Variants in ZNF37A observed in about 807,000 individuals in gnomAD.
ZNF37A encodes zinc finger protein 37A.
Under a neutral mutation model 12.3 loss-of-function variants are expected in ZNF37A, and 10 were observed. That is an observed-to-expected ratio of 0.82 (90% CI 0.50 to 1.38). The LOEUF is 1.38. Ranked by LOEUF, ZNF37A falls within the 40% of genes most tolerant of loss-of-function variation. ZNF37A has a pLI of 0.00. For synonymous variants in ZNF37A, 207 were observed against 223.0 expected, an observed-to-expected ratio of 0.93 and a Z score of 0.64; for missense variants, 580 against 651.2, an observed-to-expected ratio of 0.89 and a Z score of 1.19.
rs2069837234 is a variant in ZNF37A, at chr10:38,123,571, C to G, written c.*4734C>G. On this transcript the variant is annotated 3_prime_UTR_variant, in exon 8 of 8. Coordinates refer to ENST00000685332, the MANE Select transcript of ZNF37A (RefSeq NM_001324250.3). ...TCTCAAAGTGAGATTTGGGCAGGGA[C>G]TAATATCCAAACTGTATCAACATCT... The G allele has an allele frequency of 6.6e-6, 1 of 151,786 alleles. No individual in the cohort carries two copies. The highest frequency in any genetic ancestry group is 1.5e-5 in the Non-Finnish European group (1 of 67,966). 9.4% of individuals were successfully genotyped at this position (151,786 alleles called of 1,614,324 possible).
chr10:38,141,175 G>T (rs1280031420), intron 7 of ZNF37A: 1 of 152,158 alleles, frequency 6.6e-6, no homozygotes, highest in African/African-American at 2.4e-5. Flanking sequence ...CAAATATATT[G>T]TTATTTCTGC....
At chr10:38,112,761 T>TC (rs2068864235) in intron 5 of ZNF37A, among the ~76,000 whole-genome samples, 2 of 55,628 alleles carry the variant, frequency 3.6e-5, no homozygotes, top group Admixed American at 2.3e-4. Context: ...TTTTCTTTTC[T>TC]TTTCTTTTCT....
At chr10:38,115,326 G>C in intron 7 of ZNF37A, 36 bp downstream of exon 7, 1 of 1,601,974 alleles carries the variant, frequency 6.2e-7, no homozygotes, top group Non-Finnish European at 8.5e-7. Flanking sequence ...TTTAAAGGAA[G>C]GTAGATCACA....
downstream of ZNF37A, among the ~76,000 whole-genome samples, chr10:38,129,304 T>TCAAAAAAAAAAAAAAAAAAA (rs1472360432): frequency 1.8e-5 from 1 of 56,900 alleles, no homozygotes; most frequent in Non-Finnish European, 3.7e-5. Flanking sequence ...AGACTCTGTC[T>TCAAAAAAAAAAAAAAAAAAA]AAAAAAAAAA....
intron 7 of ZNF37A, among the ~76,000 whole-genome samples, chr10:38,146,319 C>G (rs1391156345): frequency 2.0e-5 from 3 of 152,032 alleles, no homozygotes; most frequent in Non-Finnish European, 4.4e-5. Flanking sequence ...TCTTGTTGCC[C>G]AGGCTGGAGT....
chr10:38,100,091 A>G (rs182771975), intron 5 of ZNF37A, among the ~76,000 whole-genome samples: 140 of 152,282 alleles, frequency 9.2e-4, no homozygotes, highest in African/African-American at 3.1e-3. Flanking sequence ...GTGATGCCCC[A>G]CAAGCCATAA....
intron 5 of ZNF37A, 43 bp downstream of exon 5, chr10:38,096,675 T>C: frequency 1.3e-6 from 2 of 1,597,770 alleles, no homozygotes; most frequent in Non-Finnish European, 1.7e-6. Context: ...AAAGTAATTA[T>C]TGAGGTTTAA....
downstream of ZNF37A, among the ~76,000 whole-genome samples, chr10:38,126,666 A>G (rs1398745060): frequency 6.6e-6 from 1 of 152,180 alleles, no homozygotes; most frequent in Non-Finnish European, 1.5e-5. Context: ...TATGTTATCC[A>G]GTTTTGTCTA....
In ZNF37A at chr10:38,096,444, A is replaced by G. The variant is rs1002967089; in HGVS notation, c.-44-130A>G. 6.6e-6 allele frequency: 4 copies of G among 604,202 alleles called. No homozygotes were observed. In the African/African-American group the frequency reaches 7.5e-5, roughly 11 times the overall value. 37.4% of individuals were successfully genotyped at this position (604,202 alleles called of 1,614,324 possible). The stretch of plus-strand genomic sequence containing the variant: ...TTTACATTTGAAAACTAATGAGTCC[A>G]AGCAGTACATAATCATGCCAGAGTC... On this transcript the variant is annotated intron_variant, in intron 4 of 7. Coordinates refer to ENST00000685332, the MANE Select transcript of ZNF37A (RefSeq NM_001324250.3).
At chr10:38,149,152 A>C (rs1465090361) in exon 8 of ZNF37A, 4 of 152,118 alleles carry the variant, frequency 2.6e-5, no homozygotes, top group Non-Finnish European at 5.9e-5. Flanking sequence ...TTGCTTCAAT[A>C]TTCTAACACA....
rs537582504 is a variant in ZNF37A, at chr10:38,119,556, A to G, written c.*719A>G. 10 of 277,014 alleles carry G rather than the reference A, an allele frequency of 3.6e-5. No individual in the cohort carries two copies. Among genetic ancestry groups the G allele is most frequent in the Non-Finnish European group, 4.9e-5 (9 of 182,342 alleles). The allele number at this position is 277,014 out of a possible 1,614,324, so 17.2% of individuals were successfully genotyped here. A position where few individuals can be genotyped will look rare whatever the true frequency, so the allele number is the denominator to read the frequency against. Reference sequence around the variant, plus strand: ...AGAGGTGTTGAGTTGCAGGATATCTAGCAATTTAAGAAAATGTGGAAAAAA... The same window carrying G: ...AGAGGTGTTGAGTTGCAGGATATCTGGCAATTTAAGAAAATGTGGAAAAAA... On this transcript the variant is annotated 3_prime_UTR_variant, in exon 8 of 8. Coordinates refer to ENST00000685332, the MANE Select transcript of ZNF37A (RefSeq NM_001324250.3).
intron 5 of ZNF37A, among the ~76,000 whole-genome samples, chr10:38,098,269 T>C (rs2067304964): frequency 1.3e-5 from 2 of 152,252 alleles, no homozygotes; most frequent in Non-Finnish European, 2.9e-5. Context: ...ATAGTGCTCC[T>C]ATGAGCATTC....
At chr10:38,096,711 G>A (rs2067182449) in intron 5 of ZNF37A, 79 bp downstream of exon 5, 2 of 1,414,912 alleles carry the variant, frequency 1.4e-6, no homozygotes, top group African/African-American at 1.4e-5. Context: ...TCATATGAAA[G>A]TAGAAATAAC....
chr10:38,127,331 C>A (rs1252038861), downstream of ZNF37A, among the ~76,000 whole-genome samples: 6 of 152,180 alleles, frequency 3.9e-5, no homozygotes, highest in Non-Finnish European at 8.8e-5. Flanking sequence ...CTCTTTTCAT[C>A]TTTTCACTTA....
chr10:38,105,917 A>G (rs2068031805), intron 5 of ZNF37A, among the ~76,000 whole-genome samples: 1 of 152,190 alleles, frequency 6.6e-6, no homozygotes, highest in Admixed American at 6.5e-5. Flanking sequence ...ATGCTAAATA[A>G]TGTTATCTGC....
chr10:38,118,132 T>C lies in ZNF37A; in HGVS notation c.981T>C (p.Tyr327=). ...GAATTCATACAGGGGAGAGACCTTA[T>C]GGATGTCATGAATGTGGGAAATCCT... ...HQRIHTGERP[Y]GCHECGKSFS... The change falls in exon 8 of 8, where the codon TAT becomes TAC. Residue 327 remains tyrosine (Y), a synonymous_variant. Coordinates refer to ENST00000685332, the MANE Select transcript of ZNF37A (RefSeq NM_001324250.3). 1 of 1,614,014 alleles carries C rather than the reference T, an allele frequency of 6.2e-7. No individual in the cohort carries two copies. The highest frequency in any genetic ancestry group is 8.5e-7 in the Non-Finnish European group (1 of 1,179,922).
chr10:38,131,164 T>C (rs1001533824), intron 7 of ZNF37A, among the ~76,000 whole-genome samples: 4 of 152,198 alleles, frequency 2.6e-5, no homozygotes, highest in Non-Finnish European at 4.4e-5. Context: ...GTTGTTGCTT[T>C]GCTTTCTTGA....
At position 38,120,422 on chromosome 10, in the gene ZNF37A, CA is replaced by C. The variant is rs2069626259; in HGVS notation, c.*1591del. On this transcript the variant is annotated 3_prime_UTR_variant, in exon 8 of 8. Transcript: ENST00000685332. ...CCAGCCTGAGTGACAGAGAGAGATT[CA>C]AAAAACAAAAAAAAAGCAAAAATAT... 8.8e-6 allele frequency: 1 copy of C among 113,348 alleles called. No individual in the cohort carries two copies. The highest frequency in any genetic ancestry group is 1.9e-5 in the Non-Finnish European group (1 of 51,690). The allele number at this position is 113,348 out of a possible 1,614,324, so 7.0% of individuals were successfully genotyped here.
chr10:38,146,307 G>A (rs1362016084), intron 7 of ZNF37A, among the ~76,000 whole-genome samples: 2 of 151,976 alleles, frequency 1.3e-5, no homozygotes, highest in Non-Finnish European at 2.9e-5. Context: ...ACGGAGTTTC[G>A]CTCTTGTTGC....
Sources: gnomAD v4.1 joint callset for allele counts (sites outside exome capture counted in the v4.1 genomes callset) on GRCh38, gnomAD v4.1.1 for gene constraint, MANE v1.5 for transcripts, NCBI Gene and HGNC (gene_info 2026-07-23, HGNC 2026-07-21) for gene names.